DLEU7: variants seen among roughly 807,000 people sequenced by gnomAD.
The protein encoded by DLEU7 is deleted in lymphocytic leukemia 7.
A neutral mutation model predicts 16.0 loss-of-function variants in DLEU7; 17 were observed. The observed-to-expected ratio is 1.06, with a 90% CI of 0.73 to 1.59. DLEU7 has a LOEUF of 1.59. DLEU7 is among the 40% of genes most tolerant of loss of function. The pLI, the probability that DLEU7 is intolerant of heterozygous loss-of-function variation, is 0.00. For missense variants in DLEU7, 308 were observed against 314.9 expected (o/e 0.98, Z 0.17); for synonymous variants, 113 against 139.8 (o/e 0.81, Z 1.35).
At chr13:50,826,016 G>A (rs8002680) in intron 1 of DLEU7, among the ~76,000 whole-genome samples, 6,736 of 70,536 alleles carry the variant, frequency 0.095, 563 homozygotes, top group African/African-American at 0.29. Context: ...CCCCTCCCCC[G>A]ACCCCACGAC....
At chr13:50,767,656 G>C (rs1486201048) in intron 1 of DLEU7, among the ~76,000 whole-genome samples, 1 of 152,050 alleles carries the variant, frequency 6.6e-6, no homozygotes, top group African/African-American at 2.4e-5. Flanking sequence ...TGGAAAATAG[G>C]ACCAGAATTC....
chr13:50,758,987 T>G (rs1036322535), intron 1 of DLEU7, among the ~76,000 whole-genome samples: 3 of 152,244 alleles, frequency 2.0e-5, no homozygotes, highest in Admixed American at 1.3e-4. Flanking sequence ...CCAAATATTT[T>G]AATGTGTAAT....
At chr13:50,717,226 G>A (rs1873463433) in intron 1 of DLEU7, among the ~76,000 whole-genome samples, 1 of 152,178 alleles carries the variant, frequency 6.6e-6, no homozygotes, top group African/African-American at 2.4e-5. Flanking sequence ...CACTCCCAGT[G>A]AATTTGCTAT....
intron 1 of DLEU7, chr13:50,723,050 T>G (rs1169493666): frequency 6.6e-6 from 1 of 152,236 alleles, no homozygotes; most frequent in Admixed American, 6.5e-5. Context: ...TCCCTTAATG[T>G]TGAACATTAG....
At chr13:50,840,530 C>T (rs1050815760) in intron 1 of DLEU7, among the ~76,000 whole-genome samples, 2 of 152,282 alleles carry the variant, frequency 1.3e-5, no homozygotes, top group East Asian at 1.9e-4. Context: ...TATCCCCCTG[C>T]GGGTGAACAG....
intron 1 of DLEU7, among the ~76,000 whole-genome samples, chr13:50,743,407 G>A (rs1380284270): frequency 6.6e-6 from 1 of 152,152 alleles, no homozygotes; most frequent in Non-Finnish European, 1.5e-5. Context: ...GTAGTTAAGA[G>A]TATAGGCTCT....
chr13:50,811,270 T>G (rs1241095879), intron 1 of DLEU7, among the ~76,000 whole-genome samples: 1 of 152,010 alleles, frequency 6.6e-6, no homozygotes, highest in Non-Finnish European at 1.5e-5. Context: ...AAACTGAAAG[T>G]TAAGAACCGA....
Position 50,772,424 on chromosome 13 carries a change from T to G in DLEU7, c.460-59184A>C, listed in dbSNP as rs572528447. On this transcript the variant is annotated intron_variant, in intron 1 of 1. Transcript: ENST00000400393. ...GATACCAGTTGTTCCTTTCCATGTT[T>G]AGTGCTTCCTTCAAGAGCTCTTGTA... Among the ~76,000 whole-genome samples, 804 of 152,348 alleles carry G rather than the reference T, an allele frequency of 5.3e-3. 3 individuals are homozygous for G. Among genetic ancestry groups the G allele is most frequent in the Non-Finnish European group, 8.2e-3 (560 of 68,030 alleles).
intron 1 of DLEU7, among the ~76,000 whole-genome samples, chr13:50,724,584 A>G (rs985637168): frequency 1.3e-5 from 2 of 152,220 alleles, no homozygotes; most frequent in African/African-American, 4.8e-5. Flanking sequence ...TTAGAGGGAA[A>G]GTTGGGATAG....
intron 1 of DLEU7, among the ~76,000 whole-genome samples, chr13:50,833,765 C>A (rs1877356572): frequency 6.6e-6 from 1 of 152,164 alleles, no homozygotes; most frequent in African/African-American, 2.4e-5. Context: ...AAGCTGGAGG[C>A]ATCACACTAC....
At chr13:50,789,164 G>A (rs1017853320) in intron 1 of DLEU7, among the ~76,000 whole-genome samples, 6 of 151,554 alleles carry the variant, frequency 4.0e-5, no homozygotes, top group Non-Finnish European at 5.9e-5. Context: ...GGTGTGTGCG[G>A]AGTGTGGACA....
At chr13:50,814,678 T>TACACACACAC (rs59737244) in intron 1 of DLEU7, among the ~76,000 whole-genome samples, 1 of 140,240 alleles carries the variant, frequency 7.1e-6, no homozygotes, top group Non-Finnish European at 1.6e-5. Context: ...TACATAGAAC[T>TACACACACAC]ACACACACAC....
At chr13:50,837,578 A>C (rs1877512593) in intron 1 of DLEU7, among the ~76,000 whole-genome samples, 1 of 152,230 alleles carries the variant, frequency 6.6e-6, no homozygotes, top group Non-Finnish European at 1.5e-5. Context: ...ATTTTGTCAC[A>C]GATAATGAGC....
At chr13:50,819,724 A>G (rs1566262410), downstream of DLEU7, among the ~76,000 whole-genome samples, 1 of 152,208 alleles carries the variant, frequency 6.6e-6, no homozygotes, top group Non-Finnish European at 1.5e-5. Flanking sequence ...GAAATTTGAA[A>G]GATGGCAGAG....
chr13:50,774,276 A>G (rs747887145), intron 1 of DLEU7, among the ~76,000 whole-genome samples: 4 of 152,092 alleles, frequency 2.6e-5, no homozygotes, highest in Non-Finnish European at 4.4e-5. Flanking sequence ...GGCTGTACCC[A>G]CTGTCCAACC....
intron 1 of DLEU7, among the ~76,000 whole-genome samples, chr13:50,811,817 A>C (rs748572995): frequency 6.6e-6 from 1 of 152,030 alleles, no homozygotes; most frequent in East Asian, 1.9e-4. Context: ...GCCTGTAATC[A>C]CATCACTTCG....
intron 1 of DLEU7, among the ~76,000 whole-genome samples, chr13:50,764,882 G>A (rs1875054175): frequency 6.6e-6 from 1 of 150,966 alleles, no homozygotes. Flanking sequence ...GGTTTGTTTT[G>A]TTTTGTTTTG....
intron 1 of DLEU7, among the ~76,000 whole-genome samples, chr13:50,794,066 T>C (rs1485402317): frequency 6.6e-6 from 1 of 152,228 alleles, no homozygotes; most frequent in East Asian, 1.9e-4. Flanking sequence ...TTCTTCTGCA[T>C]ATGGATAGAC....
intron 1 of DLEU7, among the ~76,000 whole-genome samples, chr13:50,718,927 A>G (rs1248160460): frequency 1.3e-5 from 2 of 152,194 alleles, no homozygotes; most frequent in Non-Finnish European, 2.9e-5. Context: ...AATGGGGGTT[A>G]TAAAATAGGA....
Sources: gnomAD v4.1 joint callset for allele counts (sites outside exome capture counted in the v4.1 genomes callset) on GRCh38, gnomAD v4.1.1 for gene constraint, MANE v1.5 for transcripts, NCBI Gene and HGNC (gene_info 2026-07-23, HGNC 2026-07-21) for gene names.